The following PDLIM5 variants were observed in gnomAD, a reference collection of about 807,000 sequenced individuals.
PDLIM5 encodes the protein PDZ and LIM domain 5.
A neutral mutation model predicts 64.2 loss-of-function variants in PDLIM5; 34 were observed. That is an observed-to-expected ratio of 0.53 (90% CI 0.40 to 0.71). The LOEUF is 0.71. Among genes scored for constraint, PDLIM5 ranks in the 30% least tolerant of loss-of-function variants. The probability of loss-of-function intolerance (pLI) is 0.00; values close to 1 mark genes in which losing one functional copy is unlikely to be tolerated. For missense variants in PDLIM5, 683 were observed against 733.6 expected (o/e 0.93, Z 0.80); for synonymous variants, 253 against 269.1 (o/e 0.94, Z 0.59).
In PDLIM5 at chr4:94,640,414, G is replaced by T; in HGVS notation, c.1247G>T (p.Arg416Leu). The change falls in exon 9 of 13, where the codon CGA becomes CTA. Residue 416 changes from arginine to leucine, a missense_variant. Physicochemically the swap from Arg to Leu is moderately radical, Grantham distance 102 (BLOSUM62 -2). Coordinates refer to ENST00000317968, the MANE Select transcript of PDLIM5 (RefSeq NM_006457.5). Reference sequence around the variant, plus strand: ...GCTGAGCACATTCCAGCAGGGAAACGAACTCCGATGTGCGCCCATTGTAAC... The same window carrying T: ...GCTGAGCACATTCCAGCAGGGAAACTAACTCCGATGTGCGCCCATTGTAAC... ...QRAEHIPAGK[R>L]TPMCAHCNQV... 2 of 1,608,378 alleles carry T rather than the reference G, an allele frequency of 1.2e-6. No homozygotes were observed. The highest frequency in any genetic ancestry group is 1.7e-6 in the Non-Finnish European group (2 of 1,176,924).
At chr4:94,502,979 G>A (rs1015576996) in intron 2 of PDLIM5, among the ~76,000 whole-genome samples, 1 of 152,134 alleles carries the variant, frequency 6.6e-6, no homozygotes, top group Non-Finnish European at 1.5e-5. Context: ...GTAGGTACTA[G>A]CCATATATTT....
intron 7 of PDLIM5, among the ~76,000 whole-genome samples, chr4:94,591,406 G>A (rs1243037256): frequency 1.3e-5 from 2 of 152,136 alleles, no homozygotes; most frequent in East Asian, 3.9e-4. Flanking sequence ...TTAAAATATG[G>A]AGTTGGAATC....
intron 2 of PDLIM5, among the ~76,000 whole-genome samples, chr4:94,485,917 A>C (rs908871242): frequency 6.6e-6 from 1 of 152,088 alleles, no homozygotes; most frequent in African/African-American, 2.4e-5. Flanking sequence ...AAAAACATGA[A>C]ATCATGTGAC....
chr4:94,590,807 T>C (rs1469986745), intron 7 of PDLIM5, among the ~76,000 whole-genome samples: 1 of 152,204 alleles, frequency 6.6e-6, no homozygotes, highest in Non-Finnish European at 1.5e-5. Context: ...AAAACACTTA[T>C]ATTCCCATTC....
chr4:94,537,733 A>G (rs928170112), intron 3 of PDLIM5, among the ~76,000 whole-genome samples: 1 of 152,200 alleles, frequency 6.6e-6, no homozygotes, highest in Non-Finnish European at 1.5e-5. Context: ...TTATTATGGC[A>G]GATATTATCA....
intron 2 of PDLIM5, among the ~76,000 whole-genome samples, chr4:94,496,390 C>T (rs1727397457): frequency 6.6e-6 from 1 of 152,170 alleles, no homozygotes; most frequent in African/African-American, 2.4e-5. Flanking sequence ...ATCACTAATG[C>T]ATTAGGTTGA....
intron 5 of PDLIM5, among the ~76,000 whole-genome samples, chr4:94,578,599 TAAAAA>T (rs1735479200): frequency 6.6e-6 from 1 of 152,106 alleles, no homozygotes; most frequent in Non-Finnish European, 1.5e-5. Flanking sequence ...GACTGAGAAA[TAAAAA>T]TAAATTACAC....
intron 5 of PDLIM5, among the ~76,000 whole-genome samples, chr4:94,581,419 A>T (rs527260909): frequency 6.6e-6 from 1 of 151,910 alleles, no homozygotes; most frequent in African/African-American, 2.4e-5. Flanking sequence ...CTAAAACTCA[A>T]CTCTGTTCAG....
At chr4:94,604,406 G>A (rs937121600) in intron 7 of PDLIM5, among the ~76,000 whole-genome samples, 1 of 152,174 alleles carries the variant, frequency 6.6e-6, no homozygotes, top group African/African-American at 2.4e-5. Context: ...GGCCAAGGCA[G>A]GCGGATCACT....
chr4:94,559,687 G>A lies in PDLIM5; in HGVS notation c.249-13664G>A, dbSNP rs564746891. On this transcript the variant is annotated intron_variant, in intron 3 of 12. Transcript: ENST00000317968. ...GCAAGTTCAATTTTCCTCAAATATG[G>A]ATCTCAACATTAATTGTGGTATGCA... 1.7e-3 allele frequency among the ~76,000 whole-genome samples: 257 copies of A among 152,276 alleles called. 1 individual carries two copies. Among genetic ancestry groups the A allele is most frequent in the African/African-American group, 5.8e-3 (239 of 41,560 alleles).
rs757010684 is a variant in PDLIM5 at position 94,575,694 on chromosome 4, G to A, written c.370G>A (p.Ala124Thr). Reference protein sequence around the residue: ...VSKVTSTNNMAYNKAPRPFGS... With the variant: ...VSKVTSTNNMTYNKAPRPFGS... ...CAAAGTCACTTCCACAAACAACATG[G>A]CCTACAATAAGGCACCACGGCCTTT... Residue 124 changes from alanine (A) to threonine (T), a missense_variant, in exon 5 of 13, where the codon GCC (alanine) becomes ACC (threonine). Ala to Thr is a moderately conservative substitution (Grantham distance 58). Transcript: ENST00000317968. 2 of 1,613,568 alleles carry A rather than the reference G, an allele frequency of 1.2e-6. No individual in the cohort carries two copies. The highest frequency in any genetic ancestry group is 1.7e-5 in the Admixed American group (1 of 60,002).
At chr4:94,651,698 G>C (rs1350006746) in intron 9 of PDLIM5, among the ~76,000 whole-genome samples, 1 of 152,152 alleles carries the variant, frequency 6.6e-6, no homozygotes, top group Non-Finnish European at 1.5e-5. Flanking sequence ...TTTACAATAA[G>C]ATAAAAATAA....
At chr4:94,504,732 A>G (rs1016513447) in intron 2 of PDLIM5, among the ~76,000 whole-genome samples, 1 of 152,182 alleles carries the variant, frequency 6.6e-6, no homozygotes, top group Non-Finnish European at 1.5e-5. Flanking sequence ...TTCAGTACTC[A>G]GGGCTTGTGG....
At chr4:94,509,811 T>G (rs968937486) in intron 2 of PDLIM5, among the ~76,000 whole-genome samples, 2 of 152,190 alleles carry the variant, frequency 1.3e-5, no homozygotes, top group Admixed American at 6.5e-5. Flanking sequence ...TTCTGTCTGC[T>G]TTATATTCTA....
intron 5 of PDLIM5, chr4:94,584,982 A>T: frequency 6.5e-7 from 1 of 1,528,672 alleles, no homozygotes; most frequent in Non-Finnish European, 9.0e-7. Flanking sequence ...CTGTCAATTA[A>T]AAGGAAAATC....
At chr4:94,648,486 A>G (rs1741587892) in intron 9 of PDLIM5, among the ~76,000 whole-genome samples, 1 of 152,088 alleles carries the variant, frequency 6.6e-6, no homozygotes, top group Non-Finnish European at 1.5e-5. Context: ...TGCTCGGCTA[A>G]TTTTTGTATT....
chr4:94,665,505 A>G lies in PDLIM5; in HGVS notation c.*1438A>G, dbSNP rs796220310. 1.0e-3 allele frequency: 686 copies of G among 662,564 alleles called. 1 individual carries two copies. Among genetic ancestry groups the G allele is most frequent in the South Asian group, 2.5e-3 (40 of 16,042 alleles). 41.0% of individuals were successfully genotyped at this position (662,564 alleles called of 1,614,324 possible). A position where few individuals can be genotyped will look rare whatever the true frequency, so the allele number is the denominator to read the frequency against. On this transcript the variant is annotated 3_prime_UTR_variant, in exon 13 of 13. Coordinates refer to ENST00000317968, the MANE Select transcript of PDLIM5 (RefSeq NM_006457.5). ...TTAAAAAAAAAAAAAAAAAAAAAAA[A>G]AGAGAGAGAGAGAATAAATAGAAAA...
chr4:94,527,653 G>A (rs982682214), intron 3 of PDLIM5, among the ~76,000 whole-genome samples: 2 of 152,206 alleles, frequency 1.3e-5, no homozygotes, highest in East Asian at 1.9e-4. Context: ...AAACTGAGAT[G>A]AGCAAAGGTG....
chr4:94,495,302 A>G (rs1210669386), intron 2 of PDLIM5, among the ~76,000 whole-genome samples: 1 of 152,206 alleles, frequency 6.6e-6, no homozygotes, highest in Non-Finnish European at 1.5e-5. Flanking sequence ...CACACATATT[A>G]AAATTATTTG....
Sources: allele counts gnomAD v4.1 joint callset (sites outside exome capture counted in the v4.1 genomes callset), GRCh38; gene constraint gnomAD v4.1.1; transcripts MANE v1.5; gene names NCBI Gene and HGNC (gene_info 2026-07-23, HGNC 2026-07-21).